The following GPC5 variants were observed in gnomAD, a reference collection of about 807,000 sequenced individuals.
GPC5 encodes the protein glypican 5, also known as glypican-5.
In GPC5, 47 loss-of-function variants were observed where a neutral mutation model predicts 53.9. The ratio of observed to expected loss-of-function variants is 0.87; its 90% CI spans 0.69 to 1.11. The LOEUF is 1.11. Ranked by LOEUF, GPC5 falls within the 50% of genes most tolerant of loss-of-function variation. The probability of loss-of-function intolerance (pLI) is 0.00; values close to 1 mark genes in which losing one functional copy is unlikely to be tolerated. For synonymous variants in GPC5, 286 were observed against 263.3 expected, an observed-to-expected ratio of 1.09 and a Z score of -0.84; for missense variants, 748 against 713.1, an observed-to-expected ratio of 1.05 and a Z score of -0.56.
chr13:92,385,327 T>C (rs1206326154), intron 7 of GPC5, among the ~76,000 whole-genome samples: 1 of 133,506 alleles, frequency 7.5e-6, no homozygotes, highest in Non-Finnish European at 1.5e-5. Flanking sequence ...TATACATATA[T>C]ACATATATAC....
intron 6 of GPC5, among the ~76,000 whole-genome samples, chr13:91,974,262 T>G (rs561582551): frequency 6.6e-6 from 1 of 152,324 alleles, no homozygotes; most frequent in Non-Finnish European, 1.5e-5. Context: ...TTGGAAGTTC[T>G]GGCCAGGGCA....
intron 6 of GPC5, among the ~76,000 whole-genome samples, chr13:92,009,937 TC>T (rs1234442666): frequency 2.0e-5 from 3 of 152,192 alleles, no homozygotes; most frequent in African/African-American, 7.2e-5. Flanking sequence ...ATAGTCTAAG[TC>T]CAGATACTCA....
chr13:92,650,078 C>G (rs1428133125), intron 7 of GPC5, among the ~76,000 whole-genome samples: 2 of 152,048 alleles, frequency 1.3e-5, no homozygotes, highest in African/African-American at 4.8e-5. Context: ...TAAGATTTTA[C>G]TTTCAATGTA....
chr13:92,397,735 C>G (rs1185346505), intron 7 of GPC5, among the ~76,000 whole-genome samples: 1 of 152,090 alleles, frequency 6.6e-6, no homozygotes, highest in Non-Finnish European at 1.5e-5. Flanking sequence ...CGACAGCTTA[C>G]AAGTTGTTTA....
intron 7 of GPC5, among the ~76,000 whole-genome samples, chr13:92,600,480 A>G (rs1320112329): frequency 1.4e-5 from 2 of 145,788 alleles, no homozygotes; most frequent in Admixed American, 6.7e-5. Flanking sequence ...TTTCTTTTCA[A>G]TTCATTCATT....
intron 7 of GPC5, among the ~76,000 whole-genome samples, chr13:92,500,863 G>A (rs770755401): frequency 2.6e-5 from 4 of 152,086 alleles, no homozygotes; most frequent in Non-Finnish European, 4.4e-5. Context: ...GCTGCTTTCT[G>A]GATAAAAGAC....
At chr13:92,527,599 A>AG (rs1316796682) in intron 7 of GPC5, among the ~76,000 whole-genome samples, 1 of 152,074 alleles carries the variant, frequency 6.6e-6, no homozygotes, top group Non-Finnish European at 1.5e-5. Context: ...GGGAAGAAGG[A>AG]GGTGGAGATG....
chr13:91,749,814 T>C (rs982797415), intron 4 of GPC5, among the ~76,000 whole-genome samples: 3 of 152,160 alleles, frequency 2.0e-5, no homozygotes, highest in African/African-American at 7.2e-5. Flanking sequence ...AGTAGGGAAG[T>C]GGTATTTTTT....
intron 6 of GPC5, among the ~76,000 whole-genome samples, chr13:92,023,443 G>A (rs1566399130): frequency 1.3e-5 from 2 of 151,994 alleles, no homozygotes; most frequent in Admixed American, 6.6e-5. Context: ...TGTTCACTAG[G>A]TGTATTAAGG....
At chr13:91,758,009 A>G (rs1477750760) in intron 5 of GPC5, among the ~76,000 whole-genome samples, 1 of 152,132 alleles carries the variant, frequency 6.6e-6, no homozygotes, top group Non-Finnish European at 1.5e-5. Flanking sequence ...TTTTACTAAT[A>G]TCCTGAATAT....
intron 7 of GPC5, among the ~76,000 whole-genome samples, chr13:92,643,756 T>G (rs1011911859): frequency 6.7e-6 from 1 of 148,790 alleles, no homozygotes; most frequent in African/African-American, 2.5e-5. Flanking sequence ...AGGGATAGCA[T>G]TGGGAGATAT....
In GPC5 at chr13:92,361,838, T is replaced by C. The variant is rs910293249; in HGVS notation, c.1561+216849T>C. Among the ~76,000 whole-genome samples the C allele has an allele frequency of 3.9e-4, 59 of 151,748 alleles. 1 individual carries two copies. The highest frequency in any genetic ancestry group is 1.3e-3 in the African/African-American group (55 of 41,030). ...AGTGGATTAGCTGGTAAGAAAAGTC[T>C]TACTTCTCAGTGTTCTGCTTGGTGT... On this transcript the variant is annotated intron_variant, in intron 7 of 7. Coordinates refer to ENST00000377067, the MANE Select transcript of GPC5 (RefSeq NM_004466.6).
At chr13:91,948,351 A>C (rs2039994878) in intron 6 of GPC5, among the ~76,000 whole-genome samples, 1 of 152,096 alleles carries the variant, frequency 6.6e-6, no homozygotes, top group Admixed American at 6.5e-5. Context: ...TTTGAAAAAG[A>C]AATTGATATT....
Position 92,042,541 on chromosome 13 carries a change from C to T in GPC5, c.1402-102289C>T, listed in dbSNP as rs2138826068. Among the ~76,000 whole-genome samples the T allele has an allele frequency of 1.3e-5, 2 of 151,968 alleles. 1 individual carries two copies. Among genetic ancestry groups the T allele is most frequent in the Middle Eastern group, 6.8e-3 (2 of 294 alleles). ...GCAACATGTTTGAGAAGCCACATAC[C>T]ACGGGGAAAATAGACTTTGCAGAAC... On this transcript the variant is annotated intron_variant, in intron 6 of 7. Transcript: ENST00000377067.
chr13:92,748,349 T>TATTA, intron 7 of GPC5, among the ~76,000 whole-genome samples: 2 of 147,278 alleles, frequency 1.4e-5, no homozygotes, highest in South Asian at 2.2e-4. Context: ...TTATTATTAT[T>TATTA]TTGAGATGGA....
intron 2 of GPC5, among the ~76,000 whole-genome samples, chr13:91,453,244 A>G (rs796911716): frequency 1.6e-4 from 25 of 152,076 alleles, no homozygotes; most frequent in African/African-American, 4.6e-4. Context: ...TTGAAATTAA[A>G]TATATTTAAA....
At chr13:91,444,429 G>GT (rs1443766193) in intron 1 of GPC5, among the ~76,000 whole-genome samples, 1 of 151,950 alleles carries the variant, frequency 6.6e-6, no homozygotes, top group Admixed American at 6.6e-5. Flanking sequence ...TTTTATTATA[G>GT]TAACTCTGAG....
intron 7 of GPC5, among the ~76,000 whole-genome samples, chr13:92,737,766 C>CTTTTTTTTTTTTTTTT (rs33914729): frequency 9.8e-6 from 1 of 102,134 alleles, no homozygotes; most frequent in Non-Finnish European, 1.8e-5. Context: ...TTTTCTTTTT[C>CTTTTTTTTTTTTTTTT]TTTTTTTTTT....
At chr13:91,625,245 A>G (rs903699120) in intron 2 of GPC5, among the ~76,000 whole-genome samples, 54 of 152,048 alleles carry the variant, frequency 3.6e-4, no homozygotes, top group African/African-American at 1.3e-3. Context: ...ACACTCCTAC[A>G]AGAAGATTTA....
Sources: allele counts gnomAD v4.1 joint callset (sites outside exome capture counted in the v4.1 genomes callset), GRCh38; gene constraint gnomAD v4.1.1; transcripts MANE v1.5; gene names NCBI Gene and HGNC (gene_info 2026-07-23, HGNC 2026-07-21).